RGS6: variants seen among roughly 807,000 people sequenced by gnomAD.
RGS6 encodes regulator of G-protein signaling 6.
In RGS6, 30 loss-of-function variants were observed where a neutral mutation model predicts 78.5. The ratio of observed to expected loss-of-function variants is 0.38; its 90% CI spans 0.29 to 0.52. RGS6 has a LOEUF of 0.52. Ranked by LOEUF, RGS6 falls within the 20% of genes least tolerant of loss-of-function variation. RGS6 has a pLI of 0.85. For missense variants in RGS6, 495 were observed against 609.7 expected, an observed-to-expected ratio of 0.81 and a Z score of 1.98; for synonymous variants, 206 against 206.0, an observed-to-expected ratio of 1.00 and a Z score of 0.00.
At chr14:72,087,818 C>T (rs1208781719) in intron 2 of RGS6, among the ~76,000 whole-genome samples, 1 of 151,960 alleles carries the variant, frequency 6.6e-6, no homozygotes, top group African/African-American at 2.4e-5. Flanking sequence ...ATAGTTTTTC[C>T]AGAATTGATA....
intron 3 of RGS6, among the ~76,000 whole-genome samples, chr14:72,406,266 C>A (rs1434211738): frequency 6.6e-6 from 1 of 152,146 alleles, no homozygotes. Flanking sequence ...CGCCTGTAGT[C>A]CCAGCTACTT....
Position 72,313,459 on chromosome 14 carries a change from T to C in RGS6, c.85-38636T>C, listed in dbSNP as rs376218278. 6.6e-5 allele frequency among the ~76,000 whole-genome samples: 10 copies of C among 152,294 alleles called. No individual in the cohort carries two copies. In the East Asian group the frequency reaches 1.9e-3, roughly 29 times the overall value. On this transcript the variant is annotated intron_variant, in intron 2 of 17. Coordinates refer to ENST00000553525, the MANE Select transcript of RGS6 (RefSeq NM_001204424.2). Reference sequence around the variant, plus strand: ...CCGCTTGCTTTTCTTTCTTCCTCTTTCTCTCTTCTTCTCTTGATAGCCTTA... The same window carrying C: ...CCGCTTGCTTTTCTTTCTTCCTCTTCCTCTCTTCTTCTCTTGATAGCCTTA...
At chr14:72,083,983 C>T (rs1173312210) in intron 2 of RGS6, among the ~76,000 whole-genome samples, 1 of 152,132 alleles carries the variant, frequency 6.6e-6, no homozygotes, top group Non-Finnish European at 1.5e-5. Context: ...CAGAAATAGT[C>T]ATGTAATGAT....
intron 2 of RGS6, among the ~76,000 whole-genome samples, chr14:72,020,524 G>T (rs1274704501): frequency 6.6e-6 from 1 of 151,506 alleles, no homozygotes; most frequent in Non-Finnish European, 1.5e-5. Context: ...CCCGAAAGGA[G>T]GCCACTGTTT....
At chr14:72,598,584 GC>G in the RGS6 span, among the ~76,000 whole-genome samples, 1 of 152,206 alleles carries the variant, frequency 6.6e-6, no homozygotes. Flanking sequence ...TGTCTGCGCA[GC>G]CTCGGAAGAC....
chr14:71,993,682 G>T (rs953627640), intron 2 of RGS6, among the ~76,000 whole-genome samples: 4 of 151,898 alleles, frequency 2.6e-5, no homozygotes, highest in Admixed American at 2.0e-4. Context: ...TAGCCTTTAG[G>T]GTATATACTG....
intron 2 of RGS6, among the ~76,000 whole-genome samples, chr14:72,223,500 G>A (rs1419316056): frequency 6.6e-6 from 1 of 152,240 alleles, no homozygotes; most frequent in Non-Finnish European, 1.5e-5. Flanking sequence ...TAATTTGTGT[G>A]ATAATTTGTT....
At chr14:72,371,685 T>C (rs1298361628) in intron 3 of RGS6, among the ~76,000 whole-genome samples, 5 of 152,138 alleles carry the variant, frequency 3.3e-5, no homozygotes. Flanking sequence ...TGCTTGAACC[T>C]GGGAGGCAGA....
In RGS6 at chr14:72,061,095, G is replaced by T. The variant is rs372797134; in HGVS notation, c.84+96220G>T. 7.9e-5 allele frequency among the ~76,000 whole-genome samples: 12 copies of T among 152,332 alleles called. No individual in the cohort carries two copies. In the East Asian group the frequency reaches 1.3e-3, roughly 17 times the overall value. The stretch of plus-strand genomic sequence containing the variant: ...AAGGTAGATGGGAGCCATGTGTCTT[G>T]CTGTGGCTAATGAAATGTGAGCAAA... On this transcript the variant is annotated intron_variant, in intron 2 of 17. Transcript: ENST00000553525.
At chr14:71,874,159 T>G in the RGS6 span, among the ~76,000 whole-genome samples, 2 of 152,152 alleles carry the variant, frequency 1.3e-5, no homozygotes, top group Non-Finnish European at 2.9e-5. Context: ...TTTAAAGTAG[T>G]TTTTTCCAAT....
At chr14:71,891,207 G>C in the RGS6 span, among the ~76,000 whole-genome samples, 80 of 152,288 alleles carry the variant, frequency 5.3e-4, no homozygotes, top group African/African-American at 1.7e-3. Context: ...CCTTGTTCTG[G>C]TTAGCATTGA....
chr14:72,313,695 T>TTTCCCAAGTTCTTTC (rs2069252721), intron 2 of RGS6, among the ~76,000 whole-genome samples: 1 of 152,086 alleles, frequency 6.6e-6, no homozygotes, highest in African/African-American at 2.4e-5. Context: ...CCCAATAAAA[T>TTTCCCAAGTTCTTTC]AAAGAACTAA....
intron 2 of RGS6, among the ~76,000 whole-genome samples, chr14:72,284,359 G>GCC (rs36064988): frequency 0.17 from 25,216 of 151,900 alleles, 2,061 homozygotes; most frequent in Middle Eastern, 0.21. Context: ...GGAAAAAATG[G>GCC]CCCCCCCACC....
At chr14:72,260,414 A>G (rs2057932612) in intron 2 of RGS6, among the ~76,000 whole-genome samples, 1 of 152,242 alleles carries the variant, frequency 6.6e-6, no homozygotes, top group African/African-American at 2.4e-5. Flanking sequence ...ATGCTGCTAG[A>G]CATGGATATA....
At chr14:71,947,858 G>C (rs939970395) in intron 1 of RGS6, among the ~76,000 whole-genome samples, 2 of 152,232 alleles carry the variant, frequency 1.3e-5, no homozygotes, top group Admixed American at 6.5e-5. Flanking sequence ...ATATGAAGAT[G>C]AACAGTGACG....
intron 2 of RGS6, among the ~76,000 whole-genome samples, chr14:72,321,842 A>G (rs908275708): frequency 2.0e-5 from 3 of 152,010 alleles, no homozygotes; most frequent in Admixed American, 6.5e-5. Context: ...CTATCCCTGA[A>G]AACTAAAAAT....
intron 2 of RGS6, among the ~76,000 whole-genome samples, chr14:71,998,329 C>T (rs1238019502): frequency 1.3e-5 from 2 of 152,186 alleles, no homozygotes; most frequent in African/African-American, 4.8e-5. Context: ...AAGCAGTTCC[C>T]AGCTTGACTT....
chr14:72,452,435 G>C (rs190949985), intron 3 of RGS6, among the ~76,000 whole-genome samples: 9 of 152,190 alleles, frequency 5.9e-5, no homozygotes, highest in Admixed American at 2.0e-4. Context: ...GGATGGCCCT[G>C]GGGGTCCCAC....
chr14:72,047,424 C>T (rs748586895), intron 2 of RGS6, among the ~76,000 whole-genome samples: 1 of 152,140 alleles, frequency 6.6e-6, no homozygotes, highest in Non-Finnish European at 1.5e-5. Context: ...CACTGAAGGT[C>T]CAACAGCTAA....
Sources: allele counts gnomAD v4.1 joint callset (sites outside exome capture counted in the v4.1 genomes callset), GRCh38; gene constraint gnomAD v4.1.1; transcripts MANE v1.5; gene names NCBI Gene and HGNC (gene_info 2026-07-23, HGNC 2026-07-21).